The following SIAH3 variants were observed in gnomAD, a reference collection of about 807,000 sequenced individuals.
The protein encoded by SIAH3 is siah E3 ubiquitin protein ligase family member 3, also known as seven in absentia homolog 3.
A neutral mutation model predicts 12.6 loss-of-function variants in SIAH3; 9 were observed. The ratio of observed to expected loss-of-function variants is 0.72; its 90% CI spans 0.43 to 1.25. SIAH3 has a LOEUF of 1.25. SIAH3 is among the 50% of genes most tolerant of loss of function. SIAH3 has a pLI of 0.00. For synonymous variants in SIAH3, 154 were observed against 151.1 expected, an observed-to-expected ratio of 1.02 and a Z score of -0.14; for missense variants, 390 against 365.4, an observed-to-expected ratio of 1.07 and a Z score of -0.55.
At chr13:45,847,922 A>G (rs1950766110) in intron 1 of SIAH3, among the ~76,000 whole-genome samples, 1 of 152,082 alleles carries the variant, frequency 6.6e-6, no homozygotes, top group Admixed American at 6.5e-5. Flanking sequence ...ACCTGGGCAC[A>G]GGGACTGACC....
At chr13:45,845,187 ATT>A (rs34053407) in intron 1 of SIAH3, among the ~76,000 whole-genome samples, 38,955 of 140,394 alleles carry the variant, frequency 0.28, 6,333 homozygotes, top group Non-Finnish European at 0.37. Flanking sequence ...TGTTTTATGC[ATT>A]TTTTTTTTTT....
intron 1 of SIAH3, among the ~76,000 whole-genome samples, chr13:45,822,643 G>A (rs1950660206): frequency 7.4e-6 from 1 of 135,190 alleles, no homozygotes; most frequent in African/African-American, 3.1e-5. Context: ...TTATATTTTT[G>A]ATTTCCTAAT....
intron 1 of SIAH3, among the ~76,000 whole-genome samples, chr13:45,808,106 C>T (rs1331889307): frequency 6.6e-6 from 1 of 152,100 alleles, no homozygotes; most frequent in African/African-American, 2.4e-5. Flanking sequence ...TAAAATTAGT[C>T]ATGGTGGGAA....
chr13:45,818,308 C>A (rs1950642518), intron 1 of SIAH3, among the ~76,000 whole-genome samples: 1 of 152,168 alleles, frequency 6.6e-6, no homozygotes, highest in Non-Finnish European at 1.5e-5. Flanking sequence ...GGGTCTGCTC[C>A]TGGAAGAACT....
At chr13:45,834,768 G>T (rs958227634) in intron 1 of SIAH3, among the ~76,000 whole-genome samples, 8 of 152,208 alleles carry the variant, frequency 5.3e-5, no homozygotes, top group Middle Eastern at 3.4e-3. Flanking sequence ...GGTGATGCAG[G>T]AGGAACTCCT....
chr13:45,821,765 TGA>T (rs1950656524), intron 1 of SIAH3, among the ~76,000 whole-genome samples: 2 of 152,180 alleles, frequency 1.3e-5, no homozygotes, highest in African/African-American at 4.8e-5. Context: ...TGAAAATCAA[TGA>T]GAGTGGGGCC....
In SIAH3 at chr13:45,825,184, T is replaced by G. The variant is rs76843833; in HGVS notation, c.135+26311A>C. On this transcript the variant is annotated intron_variant, in intron 1 of 1. Coordinates refer to ENST00000400405, the MANE Select transcript of SIAH3 (RefSeq NM_198849.3). ...TCAGGACTCCCTAGGCATCTCGCATTAATAGGTCTCTTCAGCTTTCCTCTA... is the reference window on the plus strand; with the variant it reads ...TCAGGACTCCCTAGGCATCTCGCATGAATAGGTCTCTTCAGCTTTCCTCTA... Among the ~76,000 whole-genome samples the G allele has an allele frequency of 8.3e-3, 1,261 of 152,256 alleles. 17 individuals carry two copies. The highest frequency in any genetic ancestry group is 0.029 in the African/African-American group (1,207 of 41,530).
Position 45,777,757 on chromosome 13 carries a change from C to T in SIAH3, c.*5626G>A, listed in dbSNP as rs1488093910. ...TTTGCAGCTGAACCTCAATCAAAGCCTAACTCTTTGGGGTCCCACCCATGA... is the reference window on the plus strand; with the variant it reads ...TTTGCAGCTGAACCTCAATCAAAGCTTAACTCTTTGGGGTCCCACCCATGA... On this transcript the variant is annotated 3_prime_UTR_variant, in exon 2 of 2. Coordinates refer to ENST00000400405, the MANE Select transcript of SIAH3 (RefSeq NM_198849.3). The T allele has an allele frequency of 6.6e-6, 1 of 152,228 alleles. No homozygotes were observed. The highest frequency in any genetic ancestry group is 1.5e-5 in the Non-Finnish European group (1 of 68,040). The allele number at this position is 152,228 out of a possible 1,614,324, so 9.4% of individuals were successfully genotyped here. A position where few individuals can be genotyped will look rare whatever the true frequency, so the allele number is the denominator to read the frequency against.
Position 45,783,772 on chromosome 13 carries a change from T to A in SIAH3, c.421A>T (p.Ile141Phe). Residue 141 changes from isoleucine to phenylalanine, a missense_variant, in exon 2 of 2, where the codon ATC (isoleucine) becomes TTC (phenylalanine). Ile to Phe is a conservative substitution (Grantham distance 21). Transcript: ENST00000400405. ...TGCATGTCCGTGGCCAGGAAGACGA[T>A]CTCGGCTCCCTGGAGGATGTCAACC... ...HRVDILQGAE[I>F]VFLATDMHLP... is the part of the protein sequence containing the mutation. 1.9e-6 allele frequency: 3 copies of A among 1,614,182 alleles called. No homozygotes were observed. Among genetic ancestry groups the A allele is most frequent in the South Asian group, 1.1e-5 (1 of 91,086 alleles).
At position 45,791,103 on chromosome 13, in the gene SIAH3, G is replaced by A. The variant is rs563161582; in HGVS notation, c.136-7046C>T. Among the ~76,000 whole-genome samples the A allele has an allele frequency of 4.6e-5, 7 of 152,164 alleles. No individual in the cohort carries two copies. In the South Asian group the frequency reaches 1.2e-3, roughly 27 times the overall value. On this transcript the variant is annotated intron_variant, in intron 1 of 1. Coordinates refer to ENST00000400405, the MANE Select transcript of SIAH3 (RefSeq NM_198849.3). ...CAGGTTAGCCCAGAAGGTTGAGGCT[G>A]CAGTGAGCTGAGATCATGCCACTGC...
At chr13:45,813,027 G>C (rs1003572647) in intron 1 of SIAH3, among the ~76,000 whole-genome samples, 20 of 152,178 alleles carry the variant, frequency 1.3e-4, no homozygotes, top group African/African-American at 4.8e-4. Flanking sequence ...GAAGTGAGGG[G>C]GTGTCCTGCC....
At chr13:45,809,751 T>C (rs1167941104) in intron 1 of SIAH3, among the ~76,000 whole-genome samples, 1 of 152,228 alleles carries the variant, frequency 6.6e-6, no homozygotes, top group African/African-American at 2.4e-5. Flanking sequence ...AACCAGATAA[T>C]TGTGGTTATC....
chr13:45,806,201 C>T (rs1950597709), intron 1 of SIAH3, among the ~76,000 whole-genome samples: 1 of 152,142 alleles, frequency 6.6e-6, no homozygotes, highest in African/African-American at 2.4e-5. Flanking sequence ...TTTGACCCAG[C>T]AATTCCATTA....
At chr13:45,786,676 G>A (rs1194568918) in intron 1 of SIAH3, among the ~76,000 whole-genome samples, 1 of 152,194 alleles carries the variant, frequency 6.6e-6, no homozygotes, top group Non-Finnish European at 1.5e-5. Context: ...CCATTTAGAT[G>A]TGGTTTTGGG....
intron 1 of SIAH3, among the ~76,000 whole-genome samples, chr13:45,784,356 A>G (rs8002091): frequency 6.8e-6 from 1 of 146,892 alleles, no homozygotes; most frequent in South Asian, 2.2e-4. Context: ...GTCAAGTAAC[A>G]TGCAGTAGGA....
chr13:45,843,201 C>T (rs905801469), intron 1 of SIAH3, among the ~76,000 whole-genome samples: 3 of 152,064 alleles, frequency 2.0e-5, no homozygotes, highest in Non-Finnish European at 4.4e-5. Context: ...TGAGCATCAT[C>T]CCCCTTCTCA....
At chr13:45,792,106 C>T (rs1384831389) in intron 1 of SIAH3, among the ~76,000 whole-genome samples, 1 of 152,212 alleles carries the variant, frequency 6.6e-6, no homozygotes, top group Non-Finnish European at 1.5e-5. Context: ...CCCAGTGTCT[C>T]TAAGTCAGCT....
intron 1 of SIAH3, among the ~76,000 whole-genome samples, chr13:45,832,329 G>C (rs1420093363): frequency 1.3e-5 from 2 of 152,166 alleles, no homozygotes; most frequent in African/African-American, 4.8e-5. Context: ...GAGACACTGT[G>C]GCCGTGAAGC....
At chr13:45,832,227 T>C (rs74908309) in intron 1 of SIAH3, among the ~76,000 whole-genome samples, 2 of 152,370 alleles carry the variant, frequency 1.3e-5, no homozygotes, top group East Asian at 3.9e-4. Flanking sequence ...ATTTTAGCCA[T>C]GTGTAAGCGT....
Sources: allele counts gnomAD v4.1 joint callset (sites outside exome capture counted in the v4.1 genomes callset), GRCh38; gene constraint gnomAD v4.1.1; transcripts MANE v1.5; gene names NCBI Gene and HGNC (gene_info 2026-07-23, HGNC 2026-07-21).